The following COL5A2 variants were observed in gnomAD, a reference collection of about 807,000 sequenced individuals.
COL5A2 encodes collagen alpha-2(V) chain.
COL5A2 carries 23 observed loss-of-function variants against 208.2 expected under a neutral mutation model. The observed-to-expected ratio is 0.11, with a 90% CI of 0.08 to 0.16. The LOEUF is 0.16. Ranked by LOEUF, COL5A2 falls within the 10% of genes least tolerant of loss-of-function variation. The pLI, the probability that COL5A2 is intolerant of heterozygous loss-of-function variation, is 1.00. For synonymous variants in COL5A2, 625 were observed against 628.5 expected (o/e 0.99, Z 0.08); for missense variants, 1,590 against 1,956.4 (o/e 0.81, Z 3.53).
chr2:189,089,850 T>C (rs182768670), intron 7 of COL5A2, among the ~76,000 whole-genome samples: 3 of 152,330 alleles, frequency 2.0e-5, no homozygotes, highest in East Asian at 3.9e-4. Flanking sequence ...TCAATAAATA[T>C]TGTGTGTGTT....
At chr2:189,142,953 A>G (rs888033879) in intron 1 of COL5A2, among the ~76,000 whole-genome samples, 5 of 152,130 alleles carry the variant, frequency 3.3e-5, no homozygotes, top group African/African-American at 7.2e-5. Flanking sequence ...TTATATACCA[A>G]TGAAAAATCT....
chr2:189,135,295 A>G (rs1426433051), intron 1 of COL5A2, among the ~76,000 whole-genome samples: 2 of 152,220 alleles, frequency 1.3e-5, no homozygotes, highest in Non-Finnish European at 2.9e-5. Context: ...CCTAACCTGG[A>G]TATTTAAGTA....
the COL5A2 span, among the ~76,000 whole-genome samples, chr2:189,242,862 G>A: frequency 6.6e-6 from 1 of 152,292 alleles, no homozygotes; most frequent in Non-Finnish European, 1.5e-5. Flanking sequence ...TCAGTGCTCA[G>A]GAACTTCGAG....
chr2:189,431,726 G>A, the COL5A2 span, among the ~76,000 whole-genome samples: 1 of 152,192 alleles, frequency 6.6e-6, no homozygotes, highest in African/African-American at 2.4e-5. Flanking sequence ...TCTGATTGGT[G>A]TACCTGAAAG....
At chr2:189,050,814 T>C (rs1685769757) in intron 42 of COL5A2, 138 bp from the exon 43 acceptor site, 3 of 690,614 alleles carry the variant, frequency 4.3e-6, no homozygotes, top group Non-Finnish European at 2.5e-6. Context: ...TCATACTGCA[T>C]ATGAGTAGTC....
intron 12 of COL5A2, 31 bp from the exon 13 acceptor site, chr2:189,081,074 C>T (rs768733862): frequency 1.5e-5 from 24 of 1,592,658 alleles, no homozygotes; most frequent in Non-Finnish European, 1.2e-5. Context: ...GGGCATTTTA[C>T]AGTCATTAAT....
intron 16 of COL5A2, among the ~76,000 whole-genome samples, chr2:189,078,060 G>A (rs1253812231): frequency 1.3e-5 from 2 of 152,104 alleles, no homozygotes; most frequent in East Asian, 3.9e-4. Flanking sequence ...AGGTGATCAG[G>A]AGGCTCACAT....
the COL5A2 span, among the ~76,000 whole-genome samples, chr2:189,322,793 T>C: frequency 6.6e-6 from 1 of 152,038 alleles, no homozygotes; most frequent in East Asian, 1.9e-4. Flanking sequence ...CTCCAATCAA[T>C]AGAAAAAGAG....
the COL5A2 span, among the ~76,000 whole-genome samples, chr2:189,336,198 T>G: frequency 6.6e-6 from 1 of 152,198 alleles, no homozygotes; most frequent in African/African-American, 2.4e-5. Context: ...GATAAAATTT[T>G]AATCTCACTA....
At chr2:189,318,167 C>T in the COL5A2 span, among the ~76,000 whole-genome samples, 9 of 152,132 alleles carry the variant, frequency 5.9e-5, no homozygotes, top group Non-Finnish European at 1.2e-4. Context: ...TATGAGTGGT[C>T]CCACTCAGGG....
At chr2:189,354,796 C>A in the COL5A2 span, among the ~76,000 whole-genome samples, 1 of 151,986 alleles carries the variant, frequency 6.6e-6, no homozygotes, top group Non-Finnish European at 1.5e-5. Context: ...CTGCTCTGAT[C>A]TCAGTTATTT....
Position 189,179,687 on chromosome 2 carries a change from G to T in COL5A2, c.-83C>A. ...TGTAGCACCATGAAGTCAGCTGTGGGCTCTTCTTTCAGCACCAGCCCCAGG... is the reference window on the plus strand; with the variant it reads ...TGTAGCACCATGAAGTCAGCTGTGGTCTCTTCTTTCAGCACCAGCCCCAGG... On this transcript the variant is annotated 5_prime_UTR_variant, in exon 1 of 54. Coordinates refer to ENST00000374866, the MANE Select transcript of COL5A2 (RefSeq NM_000393.5). The T allele has an allele frequency of 6.5e-7, 1 of 1,545,398 alleles. No individual in the cohort carries two copies.
At chr2:189,321,424 C>T in the COL5A2 span, among the ~76,000 whole-genome samples, 1 of 152,124 alleles carries the variant, frequency 6.6e-6, no homozygotes, top group African/African-American at 2.4e-5. Context: ...GGAAACCCAT[C>T]TCACGTGCAG....
the COL5A2 span, among the ~76,000 whole-genome samples, chr2:189,238,576 T>C: frequency 1.3e-5 from 2 of 152,130 alleles, no homozygotes; most frequent in African/African-American, 2.4e-5. Context: ...TGAGACTGGG[T>C]AATTTATAAA....
the COL5A2 span, among the ~76,000 whole-genome samples, chr2:189,261,993 T>C: frequency 3.3e-5 from 5 of 152,292 alleles, no homozygotes; most frequent in South Asian, 8.3e-4. Flanking sequence ...GATGAAAATA[T>C]AAATAATTAT....
At chr2:189,088,083 C>G (rs1367310824) in intron 8 of COL5A2, among the ~76,000 whole-genome samples, 1 of 152,106 alleles carries the variant, frequency 6.6e-6, no homozygotes, top group East Asian at 1.9e-4. Context: ...TTATTTTGAA[C>G]TATGCTATGA....
chr2:189,420,039 A>T, the COL5A2 span, among the ~76,000 whole-genome samples: 46 of 138,036 alleles, frequency 3.3e-4, no homozygotes, highest in African/African-American at 1.2e-3. Flanking sequence ...AAGAAAGAGA[A>T]TAAGAAAGAG....
In COL5A2 at chr2:189,144,508, G is replaced by C. The variant is rs1045180117; in HGVS notation, c.98-34059C>G. 2.3e-5 allele frequency among the ~76,000 whole-genome samples: 3 copies of C among 131,476 alleles called. No individual in the cohort carries two copies. The South Asian group carries it at 7.5e-4, about 33-fold the overall frequency. The allele number at this position is 131,476 out of a possible 152,430, so 86.3% of individuals were successfully genotyped here. A position where few individuals can be genotyped will look rare whatever the true frequency, so the allele number is the denominator to read the frequency against. On this transcript the variant is annotated intron_variant, in intron 1 of 53. Coordinates refer to ENST00000374866, the MANE Select transcript of COL5A2 (RefSeq NM_000393.5). ...TGTACCCATACAATGCTGAATGAGT[G>C]AGAACAAACAAAAATATATGTGCAT... is the stretch of plus-strand genomic sequence containing the variant.
chr2:189,053,936 G>C lies in COL5A2; in HGVS notation c.2458C>G (p.Pro820Ala). ...GPTGEKGEPG[P>A]RGLVGPPGSR... The stretch of plus-strand genomic sequence containing the variant: ...CCAGGAGGGCCAACTAAACCTCGAG[G>C]ACCAGGTTCACCCTAGAAAGCAGAT... Residue 820 changes from proline (P) to alanine (A), a missense_variant, in exon 37 of 54, where the codon CCT (proline) becomes GCT (alanine). Pro to Ala is a conservative substitution (Grantham distance 27). Coordinates refer to ENST00000374866, the MANE Select transcript of COL5A2 (RefSeq NM_000393.5). The C allele has an allele frequency of 6.2e-7, 1 of 1,613,906 alleles. No homozygotes were observed. Among genetic ancestry groups the C allele is most frequent in the Non-Finnish European group, 8.5e-7 (1 of 1,179,902 alleles).
Sources: gnomAD v4.1 joint callset for allele counts (sites outside exome capture counted in the v4.1 genomes callset) on GRCh38, gnomAD v4.1.1 for gene constraint, MANE v1.5 for transcripts, NCBI Gene and HGNC (gene_info 2026-07-23, HGNC 2026-07-21) for gene names.